PIAS2: variants seen among roughly 807,000 people sequenced by gnomAD.
The protein encoded by PIAS2 is E3 SUMO-protein ligase PIAS2.
Under a neutral mutation model 69.7 loss-of-function variants are expected in PIAS2, and 19 were observed. The observed-to-expected ratio is 0.27, with a 90% confidence interval of 0.19 to 0.40. The LOEUF is 0.40. Among genes scored for constraint, PIAS2 ranks in the 10% least tolerant of loss-of-function variants. The probability of loss-of-function intolerance (pLI) is 1.00; values close to 1 mark genes in which losing one functional copy is unlikely to be tolerated. For synonymous variants in PIAS2, 261 were observed against 263.2 expected, an observed-to-expected ratio of 0.99 and a Z score of 0.08; for missense variants, 624 against 757.0, an observed-to-expected ratio of 0.82 and a Z score of 2.06.
chr18:46,887,297 TCAG>T (rs1297731187), intron 2 of PIAS2, among the ~76,000 whole-genome samples: 1 of 149,222 alleles, frequency 6.7e-6, no homozygotes, highest in Non-Finnish European at 1.5e-5. Flanking sequence ...CTGCCACTAG[TCAG>T]GCCATACTAA....
intron 13 of PIAS2, among the ~76,000 whole-genome samples, chr18:46,812,879 G>A (rs1389343459): frequency 6.6e-6 from 1 of 152,118 alleles, no homozygotes; most frequent in African/African-American, 2.4e-5. Flanking sequence ...AAAGTACAAT[G>A]TCAACAATAA....
chr18:46,843,782 T>C (rs1269815967), intron 8 of PIAS2: 1 of 237,870 alleles, frequency 4.2e-6, no homozygotes, highest in Non-Finnish European at 8.1e-6. Context: ...GAGTCAGCTC[T>C]TAATATATTT....
intron 12 of PIAS2, chr18:46,815,961 C>T (rs1380558537): frequency 4.1e-6 from 4 of 985,102 alleles, no homozygotes; most frequent in Admixed American, 6.2e-5. Context: ...TTGTCCAATT[C>T]GATTTTAGAA....
chr18:46,876,562 T>C (rs1254403777), intron 2 of PIAS2, among the ~76,000 whole-genome samples: 1 of 152,198 alleles, frequency 6.6e-6, no homozygotes, highest in African/African-American at 2.4e-5. Context: ...TGTGTCATCA[T>C]TGGAACTCAA....
At chr18:46,820,330 T>A (rs1390394136) in intron 12 of PIAS2, among the ~76,000 whole-genome samples, 2 of 152,174 alleles carry the variant, frequency 1.3e-5, no homozygotes, top group African/African-American at 2.4e-5. Flanking sequence ...AATTCAACTT[T>A]ATCATGAGTA....
chr18:46,891,559 G>A, intron 1 of PIAS2: 1 of 374,296 alleles, frequency 2.7e-6, no homozygotes, highest in Non-Finnish European at 3.7e-6. Flanking sequence ...AAAATGCAAT[G>A]AATTTTTTAC....
chr18:46,911,893 A>G (rs1452629760), intron 1 of PIAS2, among the ~76,000 whole-genome samples: 5 of 152,180 alleles, frequency 3.3e-5, no homozygotes, highest in Non-Finnish European at 7.3e-5. Flanking sequence ...TCTATTACAA[A>G]TACAAAAATT....
At chr18:46,914,179 A>G (rs1337174915) in intron 1 of PIAS2, among the ~76,000 whole-genome samples, 1 of 152,214 alleles carries the variant, frequency 6.6e-6, no homozygotes, top group Non-Finnish European at 1.5e-5. Flanking sequence ...AGCTTCTAAT[A>G]TATAACACAT....
At chr18:46,885,716 G>A (rs1392164245) in intron 2 of PIAS2, among the ~76,000 whole-genome samples, 1 of 151,732 alleles carries the variant, frequency 6.6e-6, no homozygotes, top group African/African-American at 2.4e-5. Context: ...TAGGATTCCT[G>A]AAAAACATTG....
intron 11 of PIAS2, among the ~76,000 whole-genome samples, chr18:46,822,213 G>A (rs1267792957): frequency 6.6e-6 from 1 of 152,120 alleles, no homozygotes; most frequent in Non-Finnish European, 1.5e-5. Flanking sequence ...ACTTAAATAT[G>A]GATATCAATA....
intron 2 of PIAS2, among the ~76,000 whole-genome samples, chr18:46,876,755 G>A (rs1284852879): frequency 1.3e-5 from 2 of 149,852 alleles, no homozygotes; most frequent in Admixed American, 1.3e-4. Flanking sequence ...GGAGTGCAGT[G>A]GCGCTATCTC....
At chr18:46,916,333 A>G (rs975983451) in intron 1 of PIAS2, among the ~76,000 whole-genome samples, 3 of 152,070 alleles carry the variant, frequency 2.0e-5, no homozygotes, top group East Asian at 1.9e-4. Flanking sequence ...TCCTAATATC[A>G]TAAGTGTTAC....
intron 2 of PIAS2, among the ~76,000 whole-genome samples, chr18:46,876,364 T>C (rs1340067646): frequency 6.6e-6 from 1 of 152,218 alleles, no homozygotes; most frequent in African/African-American, 2.4e-5. Flanking sequence ...GAGTCCATAC[T>C]ATTCTGGTGG....
intron 2 of PIAS2, among the ~76,000 whole-genome samples, chr18:46,873,511 C>T (rs754441989): frequency 6.6e-6 from 1 of 152,012 alleles, no homozygotes; most frequent in Non-Finnish European, 1.5e-5. Flanking sequence ...GGAAGATTGC[C>T]CAATAATTGG....
chr18:46,838,488 G>C (rs2044787954), intron 8 of PIAS2, among the ~76,000 whole-genome samples: 1 of 152,154 alleles, frequency 6.6e-6, no homozygotes. Flanking sequence ...TGTCTAACCA[G>C]AGTTCTAAAA....
chr18:46,856,383 C>T (rs1216859999), intron 3 of PIAS2, among the ~76,000 whole-genome samples: 1 of 152,046 alleles, frequency 6.6e-6, no homozygotes, highest in African/African-American at 2.4e-5. Context: ...GTTTTTATAG[C>T]TACTAGGGGG....
intron 12 of PIAS2, chr18:46,815,911 G>C: frequency 1.0e-6 from 1 of 985,460 alleles, no homozygotes. Flanking sequence ...GGGTTACTGG[G>C]TTCTGAGCTA....
At position 46,808,015 on chromosome 18, in the gene PIAS2, T is replaced by C. The variant is rs1384650782; in HGVS notation, c.*4418A>G. ...AATAATTTATACACAAAGACATTCA[T>C]TGTGGCATTATGAGATATAATCTAA... On this transcript the variant is annotated 3_prime_UTR_variant, in exon 14 of 14. Coordinates refer to ENST00000585916, the MANE Select transcript of PIAS2 (RefSeq NM_004671.5). The C allele has an allele frequency of 6.6e-6, 1 of 152,214 alleles. No homozygotes were observed. The highest frequency in any genetic ancestry group is 1.5e-5 in the Non-Finnish European group (1 of 68,044). 9.4% of individuals were successfully genotyped at this position (152,214 alleles called of 1,614,324 possible). A position where few individuals can be genotyped will look rare whatever the true frequency, so the allele number is the denominator to read the frequency against.
In PIAS2 at chr18:46,807,372, TA is replaced by T. The variant is rs1568312754; in HGVS notation, c.*5060del. Reference sequence around the variant, plus strand: ...GTCAGATTTTATATATATATATATATATATATATATATTTTTTTTTTTTTTT... The same window carrying T: ...GTCAGATTTTATATATATATATATATTATATATATATTTTTTTTTTTTTTT... On this transcript the variant is annotated 3_prime_UTR_variant, in exon 14 of 14. Coordinates refer to ENST00000585916, the MANE Select transcript of PIAS2 (RefSeq NM_004671.5). 9.9e-4 allele frequency: 29 copies of T among 29,344 alleles called. No individual in the cohort carries two copies. The highest frequency in any genetic ancestry group is 1.9e-3 in the African/African-American group (8 of 4,256). The allele number at this position is 29,344 out of a possible 1,614,324, so 1.8% of individuals were successfully genotyped here. A position where few individuals can be genotyped will look rare whatever the true frequency, so the allele number is the denominator to read the frequency against.
Sources: allele counts gnomAD v4.1 joint callset (sites outside exome capture counted in the v4.1 genomes callset), GRCh38; gene constraint gnomAD v4.1.1; transcripts MANE v1.5; gene names NCBI Gene and HGNC (gene_info 2026-07-23, HGNC 2026-07-21).